Variants in SLC18A2 observed in about 807,000 individuals in gnomAD.
SLC18A2 encodes synaptic vesicular amine transporter.
A neutral mutation model predicts 59.2 loss-of-function variants in SLC18A2; 33 were observed. The observed-to-expected ratio is 0.56, with a 90% confidence interval of 0.42 to 0.75. SLC18A2 has a LOEUF of 0.75. Among genes scored for constraint, SLC18A2 ranks in the 30% least tolerant of loss-of-function variants. SLC18A2 has a pLI of 0.00. For synonymous variants in SLC18A2, 228 were observed against 253.5 expected (o/e 0.90, Z 0.95); for missense variants, 569 against 668.6 (o/e 0.85, Z 1.64).
chr10:117,244,394 C>T, intron 3 of SLC18A2, 81 bp downstream of exon 3: 5 of 1,307,234 alleles, frequency 3.8e-6, no homozygotes, highest in Non-Finnish European at 5.3e-6. Flanking sequence ...CTGCTTCTTA[C>T]TCATTGGTGA....
chr10:117,276,767 TC>T (rs150989030), intron 15 of SLC18A2, among the ~76,000 whole-genome samples: 4,844 of 152,156 alleles, frequency 0.032, 85 homozygotes, highest in South Asian at 0.039. Flanking sequence ...GCACATCCTT[TC>T]AAGGTGTGTT....
At chr10:117,274,549 G>A (rs1412020144) in intron 15 of SLC18A2, among the ~76,000 whole-genome samples, 2 of 152,170 alleles carry the variant, frequency 1.3e-5, no homozygotes, top group Admixed American at 1.3e-4. Flanking sequence ...GCCGTGCAAG[G>A]ATCGAGGCCC....
chr10:117,268,055 G>T lies in SLC18A2; in HGVS notation c.1186+319G>T, dbSNP rs1844369288. 1.1e-5 allele frequency: 3 copies of T among 264,502 alleles called. No homozygotes were observed. In the Admixed American group the frequency reaches 1.4e-4, roughly 12 times the overall value. The allele number at this position is 264,502 out of a possible 1,614,324, so 16.4% of individuals were successfully genotyped here. ...CATTTTTGTGGACTCCTCCCTATGAGCAGGTCTTCTCATGAGGCTGGGGGC... is the reference window on the plus strand; with the variant it reads ...CATTTTTGTGGACTCCTCCCTATGATCAGGTCTTCTCATGAGGCTGGGGGC... On this transcript the variant is annotated intron_variant, in intron 13 of 15. Coordinates refer to ENST00000644641, the MANE Select transcript of SLC18A2 (RefSeq NM_003054.6).
chr10:117,244,050 C>T lies in SLC18A2; in HGVS notation c.201C>T (p.His67=), dbSNP rs902796369. 1.2e-6 allele frequency: 2 copies of T among 1,614,208 alleles called. No individual in the cohort carries two copies. The highest frequency in any genetic ancestry group is 1.7e-6 in the Non-Finnish European group (2 of 1,180,040). The stretch of plus-strand genomic sequence containing the variant: ...AAATCCAGACGGCCAGGCCAGTGCA[C>T]ACTGCCTCCATCTCAGACAGCTTCC... ...ATEIQTARPV[H]TASISDSFQS... is the part of the protein sequence containing the mutation. Residue 67 remains histidine, a synonymous_variant, in exon 3 of 16, where the codon CAC becomes CAT. Coordinates refer to ENST00000644641, the MANE Select transcript of SLC18A2 (RefSeq NM_003054.6).
chr10:117,257,878 G>A lies in SLC18A2; in HGVS notation c.977G>A (p.Arg326Gln), dbSNP rs370523898. 1.1e-5 allele frequency: 18 copies of A among 1,611,002 alleles called. No individual in the cohort carries two copies. Among genetic ancestry groups the A allele is most frequent in the Middle Eastern group, 1.7e-4 (1 of 6,046 alleles). ...TGGATGATGGAGACCATGTGTTCCC[G>A]AAAGTGGCAGCTGGGTAAGGACTGG... ...PIWMMETMCS[R>Q]KWQLGVAFLP... The change falls in exon 10 of 16, where the codon CGA becomes CAA. Residue 326 changes from arginine to glutamine, a missense_variant. Physicochemically the swap from Arg to Gln is conservative, Grantham distance 43 (BLOSUM62 1). Coordinates refer to ENST00000644641, the MANE Select transcript of SLC18A2 (RefSeq NM_003054.6).
At chr10:117,276,114 T>C (rs1844486740) in intron 15 of SLC18A2, among the ~76,000 whole-genome samples, 1 of 137,356 alleles carries the variant, frequency 7.3e-6, no homozygotes, top group South Asian at 2.5e-4. Flanking sequence ...TGTAGTGAGA[T>C]GTCATCTCTA....
intron 12 of SLC18A2, chr10:117,267,451 C>T (rs923823544): frequency 9.7e-5 from 44 of 455,242 alleles, no homozygotes; most frequent in African/African-American, 5.9e-4. Flanking sequence ...TCACATATGC[C>T]GGTGACAAGT....
intron 10 of SLC18A2, among the ~76,000 whole-genome samples, chr10:117,264,391 A>C (rs1046002539): frequency 6.6e-6 from 1 of 152,184 alleles, no homozygotes; most frequent in Non-Finnish European, 1.5e-5. Context: ...CAGGTGGATC[A>C]CTTGAGCCCA....
intron 15 of SLC18A2, 146 bp downstream of exon 15, chr10:117,270,609 C>A: frequency 3.5e-6 from 3 of 850,800 alleles, no homozygotes; most frequent in Non-Finnish European, 5.2e-6. Context: ...GCAGTTACTT[C>A]TTTTATTTTT....
At chr10:117,272,200 TTCCAA>T (rs1844435715) in intron 15 of SLC18A2, among the ~76,000 whole-genome samples, 1 of 152,190 alleles carries the variant, frequency 6.6e-6, no homozygotes, top group Non-Finnish European at 1.5e-5. Flanking sequence ...GTGTTCCTAT[TTCCAA>T]TATCACCCCA....
At chr10:117,256,930 T>G (rs1386179783) in intron 9 of SLC18A2, among the ~76,000 whole-genome samples, 10 of 152,142 alleles carry the variant, frequency 6.6e-5, no homozygotes, top group Non-Finnish European at 1.0e-4. Flanking sequence ...GACACAAAGA[T>G]GCTACCCAGC....
At chr10:117,243,331 C>T (rs886250276) in intron 2 of SLC18A2, among the ~76,000 whole-genome samples, 5 of 152,168 alleles carry the variant, frequency 3.3e-5, no homozygotes, top group African/African-American at 1.2e-4. Flanking sequence ...TGAAATATTC[C>T]TTGAAGGAAC....
intron 2 of SLC18A2, among the ~76,000 whole-genome samples, chr10:117,243,753 T>C (rs1215331541): frequency 6.6e-6 from 1 of 152,082 alleles, no homozygotes; most frequent in Non-Finnish European, 1.5e-5. Context: ...GCCCAGCTAA[T>C]TTTTGTATTT....
intron 10 of SLC18A2, among the ~76,000 whole-genome samples, chr10:117,258,695 C>T (rs1844257483): frequency 6.6e-6 from 1 of 151,944 alleles, no homozygotes; most frequent in Admixed American, 6.6e-5. Context: ...ATTCCATCAC[C>T]TTCAACGTTT....
intron 10 of SLC18A2, among the ~76,000 whole-genome samples, chr10:117,258,679 C>G (rs1189491617): frequency 3.3e-5 from 5 of 152,036 alleles, no homozygotes; most frequent in African/African-American, 9.7e-5. Context: ...CCCCAAAGCC[C>G]TTCAGATTCC....
At chr10:117,260,719 G>A (rs542485163) in intron 10 of SLC18A2, among the ~76,000 whole-genome samples, 1 of 152,012 alleles carries the variant, frequency 6.6e-6, no homozygotes, top group Admixed American at 6.6e-5. Flanking sequence ...TGGGCATTTG[G>A]GCTCATTTTG....
chr10:117,254,579 T>C, intron 6 of SLC18A2, 82 bp downstream of exon 6: 1 of 937,668 alleles, frequency 1.1e-6, no homozygotes, highest in Non-Finnish European at 1.6e-6. Context: ...CCAGTGACCC[T>C]GGCGCAGTTT....
intron 2 of SLC18A2, among the ~76,000 whole-genome samples, chr10:117,242,873 CG>C (rs1844071275): frequency 6.6e-6 from 1 of 152,068 alleles, no homozygotes; most frequent in South Asian, 2.1e-4. Flanking sequence ...GCTGGGTTAC[CG>C]GCATGCCCCA....
chr10:117,275,881 G>A (rs1844483595), intron 15 of SLC18A2, among the ~76,000 whole-genome samples: 1 of 152,150 alleles, frequency 6.6e-6, no homozygotes, highest in Non-Finnish European at 1.5e-5. Flanking sequence ...ATATATTTTA[G>A]CTAGAGGACA....
Sources: gnomAD v4.1 joint callset for allele counts (sites outside exome capture counted in the v4.1 genomes callset) on GRCh38, gnomAD v4.1.1 for gene constraint, MANE v1.5 for transcripts, NCBI Gene and HGNC (gene_info 2026-07-23, HGNC 2026-07-21) for gene names.